Variants in SHANK2 observed in about 807,000 individuals in gnomAD.
The protein encoded by SHANK2 is SH3 and multiple ankyrin repeat domains protein 2.
SHANK2 carries 43 observed loss-of-function variants against 133.7 expected under a neutral mutation model. The ratio of observed to expected loss-of-function variants is 0.32; its 90% confidence interval spans 0.25 to 0.41. The LOEUF is 0.41. Among genes scored for constraint, SHANK2 ranks in the 10% least tolerant of loss-of-function variants. The pLI is 1.00. For synonymous variants in SHANK2, 1,017 were observed against 952.8 expected (o/e 1.07, Z -1.24); for missense variants, 1,994 against 2,235.8 (o/e 0.89, Z 2.18).
chr11:70,793,337 T>C (rs573284710), intron 14 of SHANK2, among the ~76,000 whole-genome samples: 20 of 152,228 alleles, frequency 1.3e-4, no homozygotes, highest in Non-Finnish European at 2.5e-4. Context: ...GATTTTGGTA[T>C]ATGATGTGAG....
At chr11:70,632,461 T>G (rs544065186) in intron 17 of SHANK2, among the ~76,000 whole-genome samples, 1 of 152,154 alleles carries the variant, frequency 6.6e-6, no homozygotes, top group East Asian at 1.9e-4. Context: ...GCTGCAGGTG[T>G]GTGAAGGCAG....
chr11:70,911,085 A>G, intron 10 of SHANK2: 2 of 456,880 alleles, frequency 4.4e-6, no homozygotes, highest in Non-Finnish European at 8.8e-6. Context: ...TTCCTCCAAA[A>G]TCACTCCACA....
intron 17 of SHANK2, among the ~76,000 whole-genome samples, chr11:70,546,981 C>T (rs1554976539): frequency 3.3e-5 from 5 of 152,200 alleles, no homozygotes; most frequent in Admixed American, 2.0e-4. Flanking sequence ...ACCCTGGATA[C>T]CTGATCAGGC....
At chr11:70,538,094 G>A (rs980910628) in intron 17 of SHANK2, among the ~76,000 whole-genome samples, 4 of 152,324 alleles carry the variant, frequency 2.6e-5, no homozygotes, top group East Asian at 1.9e-4. Context: ...AGTAGCGAGC[G>A]GTGGAGATGA....
At chr11:70,612,488 T>C (rs2060673295) in intron 17 of SHANK2, among the ~76,000 whole-genome samples, 1 of 152,210 alleles carries the variant, frequency 6.6e-6, no homozygotes, top group Non-Finnish European at 1.5e-5. Context: ...TTGGGGGTGT[T>C]TTGCCTTCTT....
chr11:71,200,340 C>G (rs928207619), intron 2 of SHANK2, among the ~76,000 whole-genome samples: 1 of 152,240 alleles, frequency 6.6e-6, no homozygotes, highest in African/African-American at 2.4e-5. Context: ...CATGGGTACA[C>G]CACACTGTTT....
chr11:70,554,092 A>G (rs782050871), intron 17 of SHANK2, among the ~76,000 whole-genome samples: 9 of 152,236 alleles, frequency 5.9e-5, no homozygotes, highest in Non-Finnish European at 1.3e-4. Context: ...TGTGGGGAGC[A>G]GATGGTAGGA....
intron 17 of SHANK2, among the ~76,000 whole-genome samples, chr11:70,513,209 T>G (rs773350823): frequency 6.6e-6 from 1 of 152,064 alleles, no homozygotes; most frequent in South Asian, 2.1e-4. Flanking sequence ...GCAGTTCTGA[T>G]AGAAATCAGA....
intron 14 of SHANK2, among the ~76,000 whole-genome samples, chr11:70,795,933 C>T (rs1422232400): frequency 6.6e-6 from 1 of 152,242 alleles, no homozygotes; most frequent in Admixed American, 6.5e-5. Flanking sequence ...CTCACACCCG[C>T]ATCAGCCCAG....
intron 14 of SHANK2, among the ~76,000 whole-genome samples, chr11:70,703,992 G>A (rs1221092399): frequency 5.3e-5 from 8 of 152,226 alleles, no homozygotes; most frequent in African/African-American, 1.9e-4. Context: ...GACGGGCTCA[G>A]GGGAGGGGCC....
chr11:71,168,602 C>T (rs1334541202), intron 2 of SHANK2, among the ~76,000 whole-genome samples: 1 of 152,166 alleles, frequency 6.6e-6, no homozygotes, highest in Non-Finnish European at 1.5e-5. Flanking sequence ...GCTGGCGGAT[C>T]ACTCGCAGTT....
chr11:70,680,489 C>T (rs971312060), intron 15 of SHANK2, among the ~76,000 whole-genome samples: 30 of 152,176 alleles, frequency 2.0e-4, no homozygotes, highest in Admixed American at 8.5e-4. Context: ...CCGCTCCCAT[C>T]GTCCCAGCTC....
intron 11 of SHANK2, among the ~76,000 whole-genome samples, chr11:70,880,443 AGCTCCTGC>A (rs1166855573): frequency 3.3e-5 from 5 of 152,242 alleles, no homozygotes; most frequent in Non-Finnish European, 5.9e-5. Flanking sequence ...GGGCAGGGAC[AGCTCCTGC>A]CTGTGAGCTG....
At chr11:70,595,136 T>C (rs2060381294) in intron 17 of SHANK2, among the ~76,000 whole-genome samples, 1 of 152,086 alleles carries the variant, frequency 6.6e-6, no homozygotes, top group South Asian at 2.1e-4. Context: ...CAAGGCTTGC[T>C]CTCTGCCAGG....
intron 14 of SHANK2, among the ~76,000 whole-genome samples, chr11:70,744,269 G>A (rs1555035423): frequency 1.3e-5 from 2 of 152,226 alleles, no homozygotes; most frequent in Non-Finnish European, 2.9e-5. Context: ...TGCCCTTGTG[G>A]GCTCGGGCGA....
chr11:71,203,960 G>A lies in SHANK2; in HGVS notation c.-13+20737C>T, dbSNP rs117472978. On this transcript the variant is annotated intron_variant, in intron 2 of 25. Transcript: ENST00000601538. ...CCGGGAGAGAACACGGAAAGCGGGC[G>A]CCTGGTCTCTCCTGGACTCTGCCCC... Among the ~76,000 whole-genome samples the A allele has an allele frequency of 1.1e-3, 161 of 152,296 alleles. 2 individuals are homozygous for A. In the East Asian group the frequency reaches 0.027, roughly 25 times the overall value.
chr11:71,086,896 G>T (rs879074849), intron 8 of SHANK2, among the ~76,000 whole-genome samples: 20,439 of 152,252 alleles, frequency 0.13, 1,789 homozygotes, highest in Non-Finnish European at 0.19. Flanking sequence ...AGGCAAAGTT[G>T]CTTCACATTA....
intron 17 of SHANK2, among the ~76,000 whole-genome samples, chr11:70,618,286 C>A (rs2060781613): frequency 7.1e-6 from 1 of 141,342 alleles, no homozygotes; most frequent in African/African-American, 2.6e-5. Context: ...AGAGTTAAGA[C>A]TCGGTCTCAG....
intron 17 of SHANK2, among the ~76,000 whole-genome samples, chr11:70,586,085 G>A (rs1005003752): frequency 6.6e-6 from 1 of 152,192 alleles, no homozygotes; most frequent in African/African-American, 2.4e-5. Flanking sequence ...CACGAGTGTG[G>A]TGAAGTTTCT....
Sources: gnomAD v4.1 joint callset for allele counts (sites outside exome capture counted in the v4.1 genomes callset) on GRCh38, gnomAD v4.1.1 for gene constraint, MANE v1.5 for transcripts, NCBI Gene and HGNC (gene_info 2026-07-23, HGNC 2026-07-21) for gene names.